The following PDZRN4 variants were observed in gnomAD, a reference collection of about 807,000 sequenced individuals.
PDZRN4 encodes PDZ domain-containing RING finger protein 4.
PDZRN4 carries 70 observed loss-of-function variants against 99.0 expected under a neutral mutation model. The ratio of observed to expected loss-of-function variants is 0.71; its 90% CI spans 0.58 to 0.86. The LOEUF (loss-of-function observed/expected upper bound fraction) is 0.86. PDZRN4 is among the 40% of genes least tolerant of loss of function. The pLI, the probability that PDZRN4 is intolerant of heterozygous loss-of-function variation, is 0.00. For synonymous variants in PDZRN4, 551 were observed against 501.6 expected (o/e 1.10, Z -1.32); for missense variants, 1,474 against 1,331.2 (o/e 1.11, Z -1.67).
intron 3 of PDZRN4, among the ~76,000 whole-genome samples, chr12:41,440,089 T>TC (rs1190186546): frequency 6.6e-6 from 1 of 152,092 alleles, no homozygotes; most frequent in African/African-American, 2.4e-5. Context: ...GCACATAGCT[T>TC]CCCCCATAAG....
At chr12:41,570,557 G>A (rs7314452) in intron 9 of PDZRN4, among the ~76,000 whole-genome samples, 1 of 151,824 alleles carries the variant, frequency 6.6e-6, no homozygotes, top group Non-Finnish European at 1.5e-5. Flanking sequence ...AGCATAATTT[G>A]TCATTATTAT....
chr12:41,433,803 A>G (rs1272484686), intron 3 of PDZRN4, among the ~76,000 whole-genome samples: 2 of 152,246 alleles, frequency 1.3e-5, no homozygotes, highest in Non-Finnish European at 2.9e-5. Context: ...TATGTACTAC[A>G]TTGGCAGCCA....
At chr12:41,294,914 A>G (rs2120917231) in intron 3 of PDZRN4, among the ~76,000 whole-genome samples, 1 of 152,300 alleles carries the variant, frequency 6.6e-6, no homozygotes, top group South Asian at 2.1e-4. Flanking sequence ...TAAATGAACA[A>G]AGAAAATTTC....
At chr12:41,315,525 T>G (rs1951632622) in intron 3 of PDZRN4, among the ~76,000 whole-genome samples, 1 of 152,172 alleles carries the variant, frequency 6.6e-6, no homozygotes, top group Admixed American at 6.6e-5. Flanking sequence ...TATTATTTGT[T>G]ACCATTATAG....
chr12:41,529,178 G>T (rs749125983), intron 5 of PDZRN4, among the ~76,000 whole-genome samples: 11 of 151,964 alleles, frequency 7.2e-5, no homozygotes, highest in Non-Finnish European at 1.2e-4. Context: ...GCTTTCTAGG[G>T]CTGGTATATA....
chr12:41,560,287 A>G (rs1268232657), intron 7 of PDZRN4, among the ~76,000 whole-genome samples: 1 of 152,164 alleles, frequency 6.6e-6, no homozygotes, highest in Non-Finnish European at 1.5e-5. Context: ...AATAGAAAAA[A>G]CCTAGATATT....
intron 3 of PDZRN4, among the ~76,000 whole-genome samples, chr12:41,228,749 G>A (rs907854398): frequency 6.6e-6 from 1 of 152,038 alleles, no homozygotes; most frequent in African/African-American, 2.4e-5. Flanking sequence ...CTTCCTTTAA[G>A]TAGCTCAAGG....
chr12:41,504,496 A>G (rs924605401), intron 3 of PDZRN4, among the ~76,000 whole-genome samples: 2 of 152,140 alleles, frequency 1.3e-5, no homozygotes, highest in Non-Finnish European at 1.5e-5. Context: ...ACAATCTGGA[A>G]TGTATAAATA....
intron 3 of PDZRN4, among the ~76,000 whole-genome samples, chr12:41,482,483 C>A (rs577268190): frequency 8.3e-4 from 126 of 152,248 alleles, no homozygotes; most frequent in African/African-American, 2.8e-3. Flanking sequence ...GATTCACATT[C>A]AATTAACAAT....
At chr12:41,456,979 G>A (rs1418537866) in intron 3 of PDZRN4, among the ~76,000 whole-genome samples, 3 of 152,168 alleles carry the variant, frequency 2.0e-5, no homozygotes, top group African/African-American at 7.2e-5. Context: ...TGTGGGCAAA[G>A]GGTGATGGCC....
In PDZRN4 at chr12:41,402,258, G is replaced by GTA. The variant is rs1256041427; in HGVS notation, c.844-104183_844-104182dup. ...ATACATATATATATACACACACTGA[G>GTA]TATATATATATATATACACACTGTG... On this transcript the variant is annotated intron_variant, in intron 3 of 9. Coordinates refer to ENST00000402685, the MANE Select transcript of PDZRN4 (RefSeq NM_001164595.2). 9.7e-5 allele frequency among the ~76,000 whole-genome samples: 2 copies of GTA among 20,666 alleles called. 1 individual carries two copies. Among genetic ancestry groups the GTA allele is most frequent in the Non-Finnish European group, 1.7e-4 (2 of 11,924 alleles). The allele number at this position is 20,666 out of a possible 152,430, so 13.6% of individuals were successfully genotyped here.
chr12:41,232,643 G>GT (rs199635282), intron 3 of PDZRN4, among the ~76,000 whole-genome samples: 142,754 of 151,824 alleles, frequency 0.94, 67,322 homozygotes, highest in Middle Eastern at 0.98. Flanking sequence ...TCTGATGGTA[G>GT]ATTTTTGCTG....
intron 3 of PDZRN4, among the ~76,000 whole-genome samples, chr12:41,356,233 A>G (rs1951925972): frequency 6.6e-6 from 1 of 152,212 alleles, no homozygotes; most frequent in East Asian, 1.9e-4. Context: ...AAGAATCATA[A>G]GAATATTTTT....
chr12:41,355,687 C>T (rs769634863), intron 3 of PDZRN4, among the ~76,000 whole-genome samples: 1 of 152,166 alleles, frequency 6.6e-6, no homozygotes, highest in East Asian at 1.9e-4. Flanking sequence ...AAGCAGACAG[C>T]TGGGTCCCAC....
intron 3 of PDZRN4, among the ~76,000 whole-genome samples, chr12:41,490,126 G>A (rs189603259): frequency 6.6e-5 from 10 of 152,206 alleles, no homozygotes; most frequent in Admixed American, 5.2e-4. Flanking sequence ...TAAAACTCCT[G>A]TGAGCAGTGA....
intron 3 of PDZRN4, among the ~76,000 whole-genome samples, chr12:41,333,846 GT>G (rs1951755117): frequency 6.6e-6 from 1 of 152,062 alleles, no homozygotes; most frequent in Admixed American, 6.6e-5. Context: ...TTTTATCTGA[GT>G]TTCAGAGTTC....
chr12:41,471,266 T>C (rs957989690), intron 3 of PDZRN4, among the ~76,000 whole-genome samples: 14 of 152,214 alleles, frequency 9.2e-5, no homozygotes, highest in Non-Finnish European at 1.8e-4. Flanking sequence ...TTCTTCTCAC[T>C]CTTGCTGAAG....
At chr12:41,542,767 T>A (rs73280133) in intron 5 of PDZRN4, among the ~76,000 whole-genome samples, 4,732 of 152,286 alleles carry the variant, frequency 0.031, 268 homozygotes, top group African/African-American at 0.11. Flanking sequence ...AGTTAGATTA[T>A]GTCTAAAATT....
chr12:41,437,952 G>A, intron 3 of PDZRN4: 1 of 1,614,000 alleles, frequency 6.2e-7, no homozygotes, highest in Non-Finnish European at 8.5e-7. Flanking sequence ...AGAATGGGCT[G>A]CAATTTGTGC....
Sources: gnomAD v4.1 joint callset for allele counts (sites outside exome capture counted in the v4.1 genomes callset) on GRCh38, gnomAD v4.1.1 for gene constraint, MANE v1.5 for transcripts, NCBI Gene and HGNC (gene_info 2026-07-23, HGNC 2026-07-21) for gene names.